GPAT3: variants seen among roughly 807,000 people sequenced by gnomAD.
GPAT3 encodes 1-AGP acyltransferase 9.
GPAT3 carries 53 observed loss-of-function variants against 58.8 expected under a neutral mutation model. The ratio of observed to expected loss-of-function variants is 0.90; its 90% CI spans 0.72 to 1.13. The LOEUF is 1.13. Among genes scored for constraint, GPAT3 ranks in the 50% most tolerant of loss-of-function variants. GPAT3 has a pLI of 0.00. For missense variants in GPAT3, 511 were observed against 527.6 expected (o/e 0.97, Z 0.31); for synonymous variants, 197 against 187.4 (o/e 1.05, Z -0.42).
At chr4:83,572,434 A>G (rs377145166) in intron 2 of GPAT3, among the ~76,000 whole-genome samples, 81 of 152,324 alleles carry the variant, frequency 5.3e-4, no homozygotes, top group South Asian at 6.2e-4. Context: ...CCTTATACCC[A>G]TCACCCAAAT....
At position 83,562,179 on chromosome 4, in the gene GPAT3, T is replaced by TA. The variant is rs1408607560; in HGVS notation, c.208+17577_208+17578insA. Among the ~76,000 whole-genome samples, 31 of 86,158 alleles carry TA rather than the reference T, an allele frequency of 3.6e-4. No individual in the cohort carries two copies. The East Asian group carries it at 5.3e-3, about 15-fold the overall frequency. 56.5% of individuals were successfully genotyped at this position (86,158 alleles called of 152,430 possible). A position where few individuals can be genotyped will look rare whatever the true frequency, so the allele number is the denominator to read the frequency against. On this transcript the variant is annotated intron_variant, in intron 2 of 11. Coordinates refer to ENST00000264409, the MANE Select transcript of GPAT3 (RefSeq NM_032717.5). ...AACTGATTTCTAGTTATTTTATATA[T>TA]TATATATATATATATATATAATATA...
chr4:83,599,697 T>C (rs559560392), intron 11 of GPAT3, among the ~76,000 whole-genome samples: 4 of 152,306 alleles, frequency 2.6e-5, no homozygotes, highest in South Asian at 2.1e-4. Flanking sequence ...TGGATCACTA[T>C]GGCTTTAGTT....
At chr4:83,571,292 ACTGT>A (rs780196852) in intron 2 of GPAT3, among the ~76,000 whole-genome samples, 5 of 152,156 alleles carry the variant, frequency 3.3e-5, no homozygotes, top group Non-Finnish European at 7.4e-5. Context: ...CATTCTTATG[ACTGT>A]CTGTGCCATA....
intron 2 of GPAT3, among the ~76,000 whole-genome samples, chr4:83,546,886 G>A (rs959031467): frequency 2.6e-5 from 4 of 152,086 alleles, no homozygotes; most frequent in Admixed American, 6.5e-5. Context: ...TCCTGATTTC[G>A]TGCTTGGGTA....
chr4:83,552,907 T>G (rs1202595465), intron 2 of GPAT3, among the ~76,000 whole-genome samples: 1 of 152,090 alleles, frequency 6.6e-6, no homozygotes, highest in Non-Finnish European at 1.5e-5. Context: ...CCCAGGGAGT[T>G]GTCTAGCCCC....
intron 6 of GPAT3, among the ~76,000 whole-genome samples, chr4:83,593,383 C>T (rs1309559151): frequency 2.0e-5 from 3 of 151,974 alleles, no homozygotes; most frequent in Admixed American, 2.0e-4. Flanking sequence ...CCAGGCTGGG[C>T]TTGAACTCCT....
rs1296702728 is a variant in GPAT3, at chr4:83,590,204, A to G, written c.650A>G (p.Tyr217Cys). The G allele has an allele frequency of 1.2e-6, 2 of 1,613,574 alleles. No individual in the cohort carries two copies. The highest frequency in any genetic ancestry group is 1.7e-5 in the Admixed American group (1 of 59,938). ...TCCATTGTTTGTAATTGCAGGCAGTACAGACCCCAGAAGGGAGGCATTTGT... is the reference window on the plus strand; with the variant it reads ...TCCATTGTTTGTAATTGCAGGCAGTGCAGACCCCAGAAGGGAGGCATTTGT... Reference protein sequence around the residue: ...SGTIHYHNKQYRPQKGGICVA... With the variant: ...SGTIHYHNKQCRPQKGGICVA... The change falls in exon 6 of 12, where the codon TAC becomes TGC. Residue 217 changes from tyrosine to cysteine, a missense_variant. Tyr to Cys is a radical substitution (Grantham distance 194). Coordinates refer to ENST00000264409, the MANE Select transcript of GPAT3 (RefSeq NM_032717.5).
chr4:83,573,056 T>C (rs989288105), intron 2 of GPAT3, among the ~76,000 whole-genome samples: 1 of 152,240 alleles, frequency 6.6e-6, no homozygotes, highest in South Asian at 2.1e-4. Flanking sequence ...AAGGACAAGA[T>C]GGAGATCAGT....
intron 2 of GPAT3, among the ~76,000 whole-genome samples, chr4:83,571,021 T>C (rs1372512317): frequency 6.6e-6 from 1 of 152,202 alleles, no homozygotes; most frequent in Non-Finnish European, 1.5e-5. Context: ...TCTGTCATCG[T>C]CTGTTTTTAC....
intron 2 of GPAT3, among the ~76,000 whole-genome samples, chr4:83,556,635 C>T (rs938137264): frequency 1.3e-5 from 2 of 151,718 alleles, no homozygotes; most frequent in Non-Finnish European, 2.9e-5. Flanking sequence ...TGCATCAAAA[C>T]TCACAGTTAA....
chr4:83,538,095 A>T (rs560845336), intron 1 of GPAT3, among the ~76,000 whole-genome samples: 2 of 152,262 alleles, frequency 1.3e-5, no homozygotes, highest in East Asian at 3.9e-4. Context: ...TTTGGTTCCC[A>T]TTTTTGTGAC....
At chr4:83,550,126 G>T (rs1329120409) in intron 2 of GPAT3, among the ~76,000 whole-genome samples, 4 of 151,636 alleles carry the variant, frequency 2.6e-5, no homozygotes, top group African/African-American at 9.7e-5. Flanking sequence ...CGGCCCCCTA[G>T]GTGCTAGGAT....
At position 83,605,361 on chromosome 4, in the gene GPAT3, T is replaced by C. The variant is rs909569638; in HGVS notation, c.*594T>C. 8.5e-5 allele frequency: 13 copies of C among 152,262 alleles called. No individual in the cohort carries two copies. The highest frequency in any genetic ancestry group is 4.6e-4 in the Admixed American group (7 of 15,278). The allele number at this position is 152,262 out of a possible 1,614,324, so 9.4% of individuals were successfully genotyped here. ...TTCAGTAAGCTTCGCCAAAGAAAAG[T>C]GAGTCAAAGTTAATGTGTGTGCGCA... On this transcript the variant is annotated 3_prime_UTR_variant, in exon 12 of 12. Coordinates refer to ENST00000264409, the MANE Select transcript of GPAT3 (RefSeq NM_032717.5).
chr4:83,555,173 C>A (rs963784325), intron 2 of GPAT3, among the ~76,000 whole-genome samples: 3 of 152,162 alleles, frequency 2.0e-5, no homozygotes, highest in African/African-American at 7.2e-5. Context: ...TGCTCCCTCT[C>A]CCTTTCCTGT....
intron 4 of GPAT3, 128 bp downstream of exon 4, chr4:83,587,457 C>A (rs1336330145): frequency 1.1e-6 from 1 of 881,022 alleles, no homozygotes; most frequent in Non-Finnish European, 1.7e-6. Flanking sequence ...GACGGAGTCT[C>A]GTACTGTCAC....
chr4:83,572,748 A>G (rs1446898098), intron 2 of GPAT3, among the ~76,000 whole-genome samples: 1 of 152,236 alleles, frequency 6.6e-6, no homozygotes, highest in East Asian at 1.9e-4. Flanking sequence ...AATTAATAAC[A>G]ATATAAAAAT....
chr4:83,540,336 T>C (rs1724253110), intron 1 of GPAT3, among the ~76,000 whole-genome samples: 1 of 152,178 alleles, frequency 6.6e-6, no homozygotes, highest in Non-Finnish European at 1.5e-5. Flanking sequence ...AAGCCACTTT[T>C]GTACTTTAGG....
chr4:83,578,966 T>TTCTTTCTC (rs1725940644), intron 2 of GPAT3, among the ~76,000 whole-genome samples: 1 of 128,510 alleles, frequency 7.8e-6, no homozygotes, highest in Admixed American at 7.8e-5. Flanking sequence ...CTTTCTTTCT[T>TTCTTTCTC]TCTTTCTTTC....
chr4:83,580,123 C>A (rs967001919), intron 2 of GPAT3, among the ~76,000 whole-genome samples: 1 of 152,156 alleles, frequency 6.6e-6, no homozygotes, highest in Non-Finnish European at 1.5e-5. Context: ...TGAAGACTTT[C>A]TCATTTTTTG....
Sources: gnomAD v4.1 joint callset for allele counts (sites outside exome capture counted in the v4.1 genomes callset) on GRCh38, gnomAD v4.1.1 for gene constraint, MANE v1.5 for transcripts, NCBI Gene and HGNC (gene_info 2026-07-23, HGNC 2026-07-21) for gene names.